GALNT13: variants seen among roughly 807,000 people sequenced by gnomAD.
The protein encoded by GALNT13 is polypeptide N-acetylgalactosaminyltransferase 13.
A neutral mutation model predicts 64.2 loss-of-function variants in GALNT13; 28 were observed. The observed-to-expected ratio is 0.44, with a 90% confidence interval of 0.32 to 0.60. The LOEUF (loss-of-function observed/expected upper bound fraction) is 0.60. GALNT13 is among the 20% of genes least tolerant of loss of function. The pLI, the probability that GALNT13 is intolerant of heterozygous loss-of-function variation, is 0.05. For missense variants in GALNT13, 577 were observed against 669.8 expected, an observed-to-expected ratio of 0.86 and a Z score of 1.53; for synonymous variants, 214 against 224.6, an observed-to-expected ratio of 0.95 and a Z score of 0.42.
chr2:154,140,246 G>A, intron 3 of GALNT13, 91 bp from the exon 4 acceptor site: 1 of 901,732 alleles, frequency 1.1e-6, no homozygotes, highest in Non-Finnish European at 1.7e-6. Flanking sequence ...TAAATAATAT[G>A]CTTCAGAATC....
At chr2:153,652,322 A>T in the GALNT13 span, among the ~76,000 whole-genome samples, 1 of 152,288 alleles carries the variant, frequency 6.6e-6, no homozygotes, top group South Asian at 2.1e-4. Context: ...AAATGGACTT[A>T]TAAATTTAGG....
At chr2:153,375,100 C>T in the GALNT13 span, among the ~76,000 whole-genome samples, 14 of 152,190 alleles carry the variant, frequency 9.2e-5, no homozygotes, top group African/African-American at 3.4e-4. Flanking sequence ...CTTTAAAAGG[C>T]TATTGCGATG....
At chr2:153,332,320 C>T in the GALNT13 span, among the ~76,000 whole-genome samples, 1 of 152,134 alleles carries the variant, frequency 6.6e-6, no homozygotes, top group African/African-American at 2.4e-5. Context: ...GCATTATAAA[C>T]TTTCCTCTCA....
chr2:153,194,713 T>G, the GALNT13 span, among the ~76,000 whole-genome samples: 1 of 152,234 alleles, frequency 6.6e-6, no homozygotes, highest in Non-Finnish European at 1.5e-5. Context: ...CTTCTAATTT[T>G]GTGAATTGGT....
At chr2:154,062,658 G>A (rs1489323673) in intron 3 of GALNT13, among the ~76,000 whole-genome samples, 1 of 152,186 alleles carries the variant, frequency 6.6e-6, no homozygotes, top group African/African-American at 2.4e-5. Context: ...AGAACAGCAA[G>A]GGGAAAATCT....
intron 12 of GALNT13, among the ~76,000 whole-genome samples, chr2:154,448,180 T>A (rs1701690412): frequency 6.6e-6 from 1 of 152,182 alleles, no homozygotes; most frequent in South Asian, 2.1e-4. Context: ...ATTACAAGTC[T>A]GCATTTAGAA....
At chr2:153,513,502 T>G in the GALNT13 span, among the ~76,000 whole-genome samples, 1 of 152,240 alleles carries the variant, frequency 6.6e-6, no homozygotes, top group East Asian at 1.9e-4. Flanking sequence ...GAGCAAATTT[T>G]CACTTCCTTA....
the GALNT13 span, among the ~76,000 whole-genome samples, chr2:153,407,726 C>T: frequency 1.3e-5 from 2 of 152,132 alleles, no homozygotes; most frequent in African/African-American, 2.4e-5. Context: ...TCTATAGGTT[C>T]GTAAGTGATG....
At chr2:153,353,954 G>A in the GALNT13 span, among the ~76,000 whole-genome samples, 1 of 152,076 alleles carries the variant, frequency 6.6e-6, no homozygotes, top group Admixed American at 6.5e-5. Flanking sequence ...ATAATTTCTG[G>A]AAAATGTAGT....
At chr2:154,191,145 C>A (rs1686554488) in intron 4 of GALNT13, among the ~76,000 whole-genome samples, 1 of 152,196 alleles carries the variant, frequency 6.6e-6, no homozygotes. Flanking sequence ...ACAAACAAGG[C>A]TGCCTGCTCT....
chr2:153,251,010 T>G, the GALNT13 span, among the ~76,000 whole-genome samples: 1 of 152,198 alleles, frequency 6.6e-6, no homozygotes, highest in African/African-American at 2.4e-5. Flanking sequence ...AACCTGCACA[T>G]TCTGCACATG....
At chr2:153,450,211 T>G in the GALNT13 span, among the ~76,000 whole-genome samples, 2 of 152,208 alleles carry the variant, frequency 1.3e-5, no homozygotes. Context: ...TACTAAAGTC[T>G]TCCTCTGTTA....
At chr2:154,379,299 CTACTT>C (rs1698152612) in intron 9 of GALNT13, among the ~76,000 whole-genome samples, 1 of 151,926 alleles carries the variant, frequency 6.6e-6, no homozygotes, top group African/African-American at 2.4e-5. Context: ...GTAGCTTTCT[CTACTT>C]TTTTTTAGAG....
chr2:153,363,491 G>T, the GALNT13 span, among the ~76,000 whole-genome samples: 1 of 151,944 alleles, frequency 6.6e-6, no homozygotes. Flanking sequence ...CCACTAGCTT[G>T]ACTAGTAAAG....
At chr2:154,210,831 T>C (rs1280683321) in intron 4 of GALNT13, among the ~76,000 whole-genome samples, 1 of 152,086 alleles carries the variant, frequency 6.6e-6, no homozygotes, top group African/African-American at 2.4e-5. Context: ...ATAGTGATGA[T>C]AGATAAAAGA....
At chr2:153,837,149 C>T in the GALNT13 span, among the ~76,000 whole-genome samples, 1 of 151,766 alleles carries the variant, frequency 6.6e-6, no homozygotes, top group Non-Finnish European at 1.5e-5. Context: ...TCCTATTTCT[C>T]CACAACCTCT....
intron 4 of GALNT13, among the ~76,000 whole-genome samples, chr2:154,150,953 A>C (rs1353083948): frequency 6.6e-6 from 1 of 151,888 alleles, no homozygotes; most frequent in Non-Finnish European, 1.5e-5. Flanking sequence ...GATTTTAGTT[A>C]TTACTTGCCT....
chr2:154,263,181 G>T (rs1573976959), intron 8 of GALNT13, among the ~76,000 whole-genome samples: 1 of 152,154 alleles, frequency 6.6e-6, no homozygotes, highest in Admixed American at 6.6e-5. Context: ...GTATGGACTG[G>T]GATTCAGATA....
At chr2:154,039,258 G>GGATT (rs1558924719) in intron 3 of GALNT13, among the ~76,000 whole-genome samples, 1 of 143,508 alleles carries the variant, frequency 7.0e-6, no homozygotes, top group Admixed American at 6.9e-5. Context: ...CCCACTAATG[G>GGATT]ATATTTATCC....
Sources: gnomAD v4.1 joint callset for allele counts (sites outside exome capture counted in the v4.1 genomes callset) on GRCh38, gnomAD v4.1.1 for gene constraint, MANE v1.5 for transcripts, NCBI Gene and HGNC (gene_info 2026-07-23, HGNC 2026-07-21) for gene names.